ZNF804B: variants seen among roughly 807,000 people sequenced by gnomAD.
ZNF804B encodes the protein zinc finger 804B.
ZNF804B carries 80 observed loss-of-function variants against 101.4 expected under a neutral mutation model. That is an observed-to-expected ratio of 0.79 (90% CI 0.66 to 0.95). ZNF804B has a LOEUF of 0.95. ZNF804B is among the 40% of genes least tolerant of loss of function. The pLI is 0.00. For missense variants in ZNF804B, 1,673 were observed against 1,561.9 expected, an observed-to-expected ratio of 1.07 and a Z score of -1.20; for synonymous variants, 622 against 558.8, an observed-to-expected ratio of 1.11 and a Z score of -1.59.
intron 1 of ZNF804B, among the ~76,000 whole-genome samples, chr7:89,187,770 C>G (rs1788395590): frequency 6.6e-6 from 1 of 152,100 alleles, no homozygotes. Context: ...ACTTCTTTTT[C>G]TCCTCAAACA....
intron 1 of ZNF804B, among the ~76,000 whole-genome samples, chr7:88,789,617 C>T (rs1790350045): frequency 6.6e-6 from 1 of 152,066 alleles, no homozygotes; most frequent in Non-Finnish European, 1.5e-5. Context: ...ATCCTGTCCA[C>T]AGGTAATCAG....
chr7:89,159,406 C>CT (rs60867995), intron 1 of ZNF804B, among the ~76,000 whole-genome samples: 3 of 151,894 alleles, frequency 2.0e-5, no homozygotes, highest in African/African-American at 7.3e-5. Context: ...CTTGGCTTTA[C>CT]TTTTTTTAGT....
At chr7:89,062,890 A>G (rs1789400661) in intron 1 of ZNF804B, among the ~76,000 whole-genome samples, 1 of 152,146 alleles carries the variant, frequency 6.6e-6, no homozygotes, top group South Asian at 2.1e-4. Context: ...CATTATCAGA[A>G]GAAACTTGCT....
chr7:89,005,978 G>A (rs1788364569), intron 1 of ZNF804B, among the ~76,000 whole-genome samples: 1 of 152,082 alleles, frequency 6.6e-6, no homozygotes, highest in Admixed American at 6.6e-5. Context: ...GATGGAAAAG[G>A]TGTGGATATC....
chr7:89,286,063 A>T (rs186462988), intron 2 of ZNF804B, among the ~76,000 whole-genome samples: 1 of 152,308 alleles, frequency 6.6e-6, no homozygotes, highest in Admixed American at 6.5e-5. Context: ...TTCCACTAAG[A>T]GACTACATTT....
At chr7:89,318,549 G>C (rs923758106) in intron 2 of ZNF804B, among the ~76,000 whole-genome samples, 10 of 152,174 alleles carry the variant, frequency 6.6e-5, no homozygotes, top group African/African-American at 2.4e-4. Context: ...GATCACCTGA[G>C]GTCAGGAGTT....
intron 1 of ZNF804B, among the ~76,000 whole-genome samples, chr7:88,907,683 G>A (rs1032051811): frequency 6.6e-6 from 1 of 151,868 alleles, no homozygotes; most frequent in African/African-American, 2.4e-5. Flanking sequence ...CATTTAAAAT[G>A]AGGGAGCATG....
intron 1 of ZNF804B, among the ~76,000 whole-genome samples, chr7:88,873,234 T>A (rs1562819004): frequency 6.6e-6 from 1 of 152,238 alleles, no homozygotes; most frequent in Non-Finnish European, 1.5e-5. Flanking sequence ...TGGTGAGCAT[T>A]TTTTCATGTG....
chr7:88,814,371 C>G (rs1240690139), intron 1 of ZNF804B, among the ~76,000 whole-genome samples: 1 of 151,244 alleles, frequency 6.6e-6, no homozygotes, highest in East Asian at 1.9e-4. Flanking sequence ...AAGTTTATTT[C>G]CATTCTGAGG....
At chr7:89,053,044 C>T (rs1028324177) in intron 1 of ZNF804B, among the ~76,000 whole-genome samples, 1 of 152,132 alleles carries the variant, frequency 6.6e-6, no homozygotes, top group Non-Finnish European at 1.5e-5. Context: ...TCGCCAACTT[C>T]TCTTGATACA....
chr7:88,928,402 T>C (rs1584021875), intron 1 of ZNF804B, among the ~76,000 whole-genome samples: 1 of 152,178 alleles, frequency 6.6e-6, no homozygotes, highest in Non-Finnish European at 1.5e-5. Flanking sequence ...GTTTTAAGTA[T>C]TTTTAGCTAC....
At chr7:88,862,965 AATG>A (rs1355608611) in intron 1 of ZNF804B, among the ~76,000 whole-genome samples, 1 of 152,164 alleles carries the variant, frequency 6.6e-6, no homozygotes, top group East Asian at 1.9e-4. Context: ...AAAATTTTTG[AATG>A]ATAAGCCTAA....
intron 1 of ZNF804B, among the ~76,000 whole-genome samples, chr7:88,901,584 A>T (rs1399823267): frequency 6.6e-6 from 1 of 151,720 alleles, no homozygotes; most frequent in African/African-American, 2.4e-5. Flanking sequence ...TTTCTCTGCC[A>T]TCACTCATCT....
chr7:88,959,688 C>A (rs941571634), intron 1 of ZNF804B, among the ~76,000 whole-genome samples: 1 of 151,366 alleles, frequency 6.6e-6, no homozygotes, highest in Non-Finnish European at 1.5e-5. Context: ...TAGCTGCTCT[C>A]ATCTCCTCCC....
intron 1 of ZNF804B, among the ~76,000 whole-genome samples, chr7:88,812,052 C>T (rs1335273254): frequency 7.9e-5 from 12 of 152,082 alleles, no homozygotes; most frequent in African/African-American, 1.7e-4. Flanking sequence ...TGGAAATCTC[C>T]GCTTCTTGTT....
At chr7:88,998,437 A>C (rs1788230596) in intron 1 of ZNF804B, among the ~76,000 whole-genome samples, 1 of 152,076 alleles carries the variant, frequency 6.6e-6, no homozygotes, top group African/African-American at 2.4e-5. Flanking sequence ...CAAATGAAAG[A>C]AGATTCCATG....
chr7:88,922,226 A>G (rs1418595835), intron 1 of ZNF804B, among the ~76,000 whole-genome samples: 1 of 152,062 alleles, frequency 6.6e-6, no homozygotes, highest in Non-Finnish European at 1.5e-5. Context: ...TACTCATTTT[A>G]TCGCTATTAG....
intron 1 of ZNF804B, among the ~76,000 whole-genome samples, chr7:88,843,464 G>A (rs181788947): frequency 5.2e-4 from 79 of 152,214 alleles, no homozygotes; most frequent in Admixed American, 1.3e-3. Flanking sequence ...AAGGCTGGGC[G>A]CGGTAGCTCA....
In ZNF804B at chr7:88,769,742, A is replaced by G. The variant is rs144408879; in HGVS notation, c.108+9658A>G. 3.9e-5 allele frequency among the ~76,000 whole-genome samples: 6 copies of G among 152,308 alleles called. No individual in the cohort carries two copies. The East Asian group carries it at 9.6e-4, about 24-fold the overall frequency. On this transcript the variant is annotated intron_variant, in intron 1 of 3. Transcript: ENST00000333190. Reference sequence around the variant, plus strand: ...GACCACTGCAGCCTTTGAGATAGCAACATCCTGGAAAAGCCACAGTGTGGT... The same window carrying G: ...GACCACTGCAGCCTTTGAGATAGCAGCATCCTGGAAAAGCCACAGTGTGGT...
Sources: gnomAD v4.1 joint callset for allele counts (sites outside exome capture counted in the v4.1 genomes callset) on GRCh38, gnomAD v4.1.1 for gene constraint, MANE v1.5 for transcripts, NCBI Gene and HGNC (gene_info 2026-07-23, HGNC 2026-07-21) for gene names.